Variants in XKR3 observed in about 807,000 individuals in gnomAD.
The protein encoded by XKR3 is XK related 3, also known as XK-related protein 3.
A neutral mutation model predicts 40.3 loss-of-function variants in XKR3; 27 were observed. The ratio of observed to expected loss-of-function variants is 0.67; its 90% CI spans 0.49 to 0.92. The LOEUF (loss-of-function observed/expected upper bound fraction) is 0.92, where lower values mean the gene tolerates loss of function less well. Among genes scored for constraint, XKR3 ranks in the 40% least tolerant of loss-of-function variants. The pLI is 0.00. For synonymous variants in XKR3, 193 were observed against 195.4 expected, an observed-to-expected ratio of 0.99 and a Z score of 0.10; for missense variants, 472 against 537.6, an observed-to-expected ratio of 0.88 and a Z score of 1.21.
At chr22:16,787,324 G>A (rs2108584) in intron 3 of XKR3, among the ~76,000 whole-genome samples, 2 of 151,836 alleles carry the variant, frequency 1.3e-5, no homozygotes, top group African/African-American at 4.8e-5. Context: ...TTTGGGAGGC[G>A]GAGGCGGGTG....
chr22:16,784,443 A>G, intron 3 of XKR3, 34 bp from the exon 4 acceptor site: 1 of 1,529,170 alleles, frequency 6.5e-7, no homozygotes, highest in Non-Finnish European at 8.8e-7. Flanking sequence ...GTTAGAGAAT[A>G]TTTTTCATTA....
In XKR3 at chr22:16,818,266, C is replaced by G. The variant is rs182294479; in HGVS notation, c.-11+7025G>C. Among the ~76,000 whole-genome samples the G allele has an allele frequency of 6.5e-4, 99 of 152,186 alleles. 1 individual carries two copies. The highest frequency in any genetic ancestry group is 5.9e-3 in the Admixed American group (90 of 15,268). On this transcript the variant is annotated intron_variant, in intron 1 of 3. Transcript: ENST00000684488. ...GGACTTCCAGGTACAATGCAACACC[C>G]CAGTGTTTCCTCTGAACAACTAAAA...
intron 2 of XKR3, among the ~76,000 whole-genome samples, chr22:16,802,756 G>C (rs985305883): frequency 1.3e-5 from 2 of 152,038 alleles, no homozygotes; most frequent in African/African-American, 4.8e-5. Flanking sequence ...CCAAAGTGCT[G>C]GGATTACAGT....
chr22:16,786,887 C>T (rs1290046990), intron 3 of XKR3, among the ~76,000 whole-genome samples: 1 of 151,962 alleles, frequency 6.6e-6, no homozygotes, highest in Non-Finnish European at 1.5e-5. Flanking sequence ...CATCATGGCA[C>T]CAAGTGGACA....
At chr22:16,819,505 T>C (rs940157181) in intron 1 of XKR3, among the ~76,000 whole-genome samples, 1 of 151,946 alleles carries the variant, frequency 6.6e-6, no homozygotes, top group African/African-American at 2.4e-5. Context: ...CACAAATCAG[T>C]GGAGGAAAAA....
At chr22:16,809,820 C>T (rs1236952052) in intron 1 of XKR3, among the ~76,000 whole-genome samples, 2 of 152,098 alleles carry the variant, frequency 1.3e-5, no homozygotes, top group Non-Finnish European at 2.9e-5. Context: ...TGTAGTGGTG[C>T]GATCAAGGAC....
intron 1 of XKR3, among the ~76,000 whole-genome samples, chr22:16,823,026 G>A (rs1490125975): frequency 6.6e-6 from 1 of 152,052 alleles, no homozygotes; most frequent in Admixed American, 6.6e-5. Context: ...TGGGACCACA[G>A]GTGCATGCCA....
chr22:16,795,583 T>A (rs1340097590), intron 3 of XKR3, among the ~76,000 whole-genome samples: 1 of 151,578 alleles, frequency 6.6e-6, no homozygotes, highest in African/African-American at 2.4e-5. Flanking sequence ...GCAAAATAAA[T>A]ATAAAAGATC....
chr22:16,824,485 A>G (rs1015310244), intron 1 of XKR3, among the ~76,000 whole-genome samples: 1 of 152,096 alleles, frequency 6.6e-6, no homozygotes, highest in Non-Finnish European at 1.5e-5. Flanking sequence ...GGGAAAAAGA[A>G]GGAATGGAGG....
intron 3 of XKR3, among the ~76,000 whole-genome samples, chr22:16,791,760 G>GGA (rs1309919822): frequency 1.7e-5 from 2 of 115,682 alleles, no homozygotes; most frequent in African/African-American, 6.9e-5. Context: ...GGAGAGAGAG[G>GGA]GAGAGAGGGA....
intron 3 of XKR3, among the ~76,000 whole-genome samples, chr22:16,796,888 C>A (rs1297582815): frequency 6.6e-6 from 1 of 152,112 alleles, no homozygotes; most frequent in African/African-American, 2.4e-5. Context: ...AAATAACAAA[C>A]CCAGTGATGT....
At chr22:16,814,107 G>A (rs2041698) in intron 1 of XKR3, among the ~76,000 whole-genome samples, 67,007 of 151,932 alleles carry the variant, frequency 0.44, 15,109 homozygotes, top group Non-Finnish European at 0.46. Context: ...AAACGTTTGC[G>A]TAATCTAAGG....
At chr22:16,812,109 T>C (rs1310825400) in intron 1 of XKR3, among the ~76,000 whole-genome samples, 1 of 152,196 alleles carries the variant, frequency 6.6e-6, no homozygotes, top group African/African-American at 2.4e-5. Flanking sequence ...TGAAAAATTA[T>C]CCAACTACAT....
At position 16,799,941 on chromosome 22, in the gene XKR3, T is replaced by A; in HGVS notation, c.419A>T (p.Lys140Met). 2 of 1,614,162 alleles carry A rather than the reference T, an allele frequency of 1.2e-6. No individual in the cohort carries two copies. Among genetic ancestry groups the A allele is most frequent in the Non-Finnish European group, 1.7e-6 (2 of 1,180,002 alleles). The change falls in exon 3 of 4, where the codon AAG becomes ATG. Residue 140 changes from lysine to methionine, a missense_variant. Coordinates refer to ENST00000684488, the MANE Select transcript of XKR3 (RefSeq NM_001386955.1). ...EKEETQVSIT[K>M]RNTMLEREIA... Reference sequence around the variant, plus strand: ...CTCCCTTTCCAGCATCGTGTTTCTCTTTGTGATGCTAACTTGAGTCTCTTC... The same window carrying A: ...CTCCCTTTCCAGCATCGTGTTTCTCATTGTGATGCTAACTTGAGTCTCTTC...
chr22:16,783,597 T>A lies in XKR3; in HGVS notation c.*22A>T. On this transcript the variant is annotated 3_prime_UTR_variant, in exon 4 of 4. Transcript: ENST00000684488. ...CATTCAGCATCTTTACTCATTGTTCTGTGAAAGTATATATGTATATTTTAT... is the reference window on the plus strand; with the variant it reads ...CATTCAGCATCTTTACTCATTGTTCAGTGAAAGTATATATGTATATTTTAT... 6.6e-7 allele frequency: 1 copy of A among 1,510,574 alleles called. No individual in the cohort carries two copies. The highest frequency in any genetic ancestry group is 8.8e-7 in the Non-Finnish European group (1 of 1,130,070). The allele number at this position is 1,510,574 out of a possible 1,614,324, so 93.6% of individuals were successfully genotyped here.
intron 3 of XKR3, among the ~76,000 whole-genome samples, chr22:16,791,736 AGAG>A (rs1248972333): frequency 5.3e-5 from 7 of 132,626 alleles, no homozygotes; most frequent in Non-Finnish European, 1.1e-4. Flanking sequence ...AGAGGGAGAA[AGAG>A]GGAGAGAGAG....
At chr22:16,822,489 A>G (rs1182401905) in intron 1 of XKR3, among the ~76,000 whole-genome samples, 4 of 152,196 alleles carry the variant, frequency 2.6e-5, no homozygotes, top group Admixed American at 6.5e-5. Flanking sequence ...TTAACTGTAA[A>G]TGGCTTATAT....
At chr22:16,821,197 C>T (rs1601853633) in intron 1 of XKR3, among the ~76,000 whole-genome samples, 1 of 152,038 alleles carries the variant, frequency 6.6e-6, no homozygotes, top group South Asian at 2.1e-4. Context: ...ATGTAATTTT[C>T]TATGATAGCA....
chr22:16,819,100 G>C (rs1267024948), intron 1 of XKR3, among the ~76,000 whole-genome samples: 1 of 151,996 alleles, frequency 6.6e-6, no homozygotes, highest in East Asian at 1.9e-4. Context: ...GTATGGGCTG[G>C]CTCTGTATGC....
Sources: allele counts gnomAD v4.1 joint callset (sites outside exome capture counted in the v4.1 genomes callset), GRCh38; gene constraint gnomAD v4.1.1; transcripts MANE v1.5; gene names NCBI Gene and HGNC (gene_info 2026-07-23, HGNC 2026-07-21).